ABLIM3: variants seen among roughly 807,000 people sequenced by gnomAD.
The protein encoded by ABLIM3 is actin-binding LIM protein 3.
Under a neutral mutation model 109.5 loss-of-function variants are expected in ABLIM3, and 61 were observed. The observed-to-expected ratio is 0.56, with a 90% CI of 0.45 to 0.69. ABLIM3 has a LOEUF of 0.69. Among genes scored for constraint, ABLIM3 ranks in the 30% least tolerant of loss-of-function variants. The pLI, the probability that ABLIM3 is intolerant of heterozygous loss-of-function variation, is 0.00. For missense variants in ABLIM3, 796 were observed against 889.5 expected (o/e 0.89, Z 1.34); for synonymous variants, 300 against 324.8 (o/e 0.92, Z 0.82).
chr5:149,168,808 C>G (rs1398796917), intron 2 of ABLIM3, among the ~76,000 whole-genome samples: 1 of 152,216 alleles, frequency 6.6e-6, no homozygotes, highest in Non-Finnish European at 1.5e-5. Context: ...TTCTAAAATT[C>G]TGTCAGTGCT....
intron 2 of ABLIM3, among the ~76,000 whole-genome samples, chr5:149,143,468 C>G (rs544315512): frequency 5.7e-4 from 87 of 151,752 alleles, no homozygotes; most frequent in Non-Finnish European, 9.7e-4. Context: ...CTATCAAGAC[C>G]TTATTGAAGC....
intron 10 of ABLIM3, among the ~76,000 whole-genome samples, chr5:149,234,383 G>C (rs897750776): frequency 3.3e-5 from 5 of 152,168 alleles, no homozygotes; most frequent in Admixed American, 2.6e-4. Context: ...AAAATGGTCT[G>C]TAACAAGAAA....
At chr5:149,229,430 G>A (rs1182297439) in intron 8 of ABLIM3, among the ~76,000 whole-genome samples, 1 of 152,148 alleles carries the variant, frequency 6.6e-6, no homozygotes, top group Non-Finnish European at 1.5e-5. Flanking sequence ...CTTCAGATGA[G>A]GAAACTGGGA....
At chr5:149,239,703 G>C in intron 12 of ABLIM3, 56 bp from the exon 13 acceptor site, 1 of 1,521,234 alleles carries the variant, frequency 6.6e-7, no homozygotes, top group Non-Finnish European at 8.8e-7. Flanking sequence ...CTAGACCCTC[G>C]GGCCACAGGC....
chr5:149,206,067 A>G (rs968764353), intron 5 of ABLIM3, among the ~76,000 whole-genome samples: 1 of 152,234 alleles, frequency 6.6e-6, no homozygotes, highest in Non-Finnish European at 1.5e-5. Flanking sequence ...ACTTTGCCCC[A>G]TGACCCTTTC....
intron 18 of ABLIM3, among the ~76,000 whole-genome samples, chr5:149,248,859 G>GACACACAC (rs55707887): frequency 0.022 from 3,149 of 144,592 alleles, 52 homozygotes; most frequent in Middle Eastern, 0.039. Context: ...CCTATTCCTG[G>GACACACAC]ACACACACAC....
intron 5 of ABLIM3, among the ~76,000 whole-genome samples, chr5:149,204,949 A>G (rs1758827987): frequency 6.6e-6 from 1 of 152,176 alleles, no homozygotes. Flanking sequence ...TTTCTAGAGT[A>G]TGGCCATGAA....
At chr5:149,156,384 G>A (rs751127492) in intron 2 of ABLIM3, among the ~76,000 whole-genome samples, 3 of 152,218 alleles carry the variant, frequency 2.0e-5, no homozygotes, top group Non-Finnish European at 4.4e-5. Context: ...GTGAATATAT[G>A]TGAGATGCTT....
intron 5 of ABLIM3, among the ~76,000 whole-genome samples, chr5:149,202,591 T>C (rs1758592837): frequency 6.6e-6 from 1 of 152,084 alleles, no homozygotes; most frequent in African/African-American, 2.4e-5. Context: ...AAAAAGAACA[T>C]ATCATGGAAA....
intron 8 of ABLIM3, among the ~76,000 whole-genome samples, chr5:149,225,563 A>T (rs899678810): frequency 1.6e-4 from 25 of 152,268 alleles, no homozygotes; most frequent in African/African-American, 5.8e-4. Flanking sequence ...AGATTTTTTA[A>T]AAAAATTTTT....
chr5:149,159,280 G>A (rs1222780541), intron 2 of ABLIM3, among the ~76,000 whole-genome samples: 2 of 151,984 alleles, frequency 1.3e-5, no homozygotes, highest in Non-Finnish European at 2.9e-5. Context: ...ACATAAATGA[G>A]GGCATACTGT....
intron 2 of ABLIM3, among the ~76,000 whole-genome samples, chr5:149,180,773 G>A (rs972344524): frequency 2.3e-4 from 35 of 152,204 alleles, no homozygotes; most frequent in Admixed American, 1.3e-4. Context: ...TTGAGGGGAT[G>A]CAGCAGGGTT....
intron 7 of ABLIM3, chr5:149,216,465 C>T (rs180799829): frequency 1.3e-5 from 2 of 153,530 alleles, no homozygotes; most frequent in Admixed American, 1.3e-4. Flanking sequence ...ACATAAGCAC[C>T]GAACTGGTAC....
At chr5:149,247,674 A>G in intron 17 of ABLIM3, 108 bp from the exon 18 acceptor site, 1 of 1,427,652 alleles carries the variant, frequency 7.0e-7, no homozygotes, top group East Asian at 2.3e-5. Flanking sequence ...GGCAAACATG[A>G]GAGCAGGCTG....
intron 10 of ABLIM3, 75 bp downstream of exon 10, chr5:149,233,375 G>A (rs1001252877): frequency 2.7e-6 from 4 of 1,470,984 alleles, no homozygotes; most frequent in East Asian, 2.3e-5. Context: ...CTAAGGATAA[G>A]GGAGCTCTCA....
At chr5:149,200,537 T>C in intron 5 of ABLIM3, 109 bp downstream of exon 5, 1 of 1,140,576 alleles carries the variant, frequency 8.8e-7, no homozygotes, top group Admixed American at 2.0e-5. Flanking sequence ...GTGGGAGAGG[T>C]TCCCAACCTG....
At chr5:149,229,488 G>T (rs915099888) in intron 8 of ABLIM3, among the ~76,000 whole-genome samples, 1 of 152,156 alleles carries the variant, frequency 6.6e-6, no homozygotes, top group African/African-American at 2.4e-5. Flanking sequence ...AAAAACACAG[G>T]CCTCCTCACT....
chr5:149,237,884 C>G (rs1013678026), intron 11 of ABLIM3, among the ~76,000 whole-genome samples: 1 of 152,200 alleles, frequency 6.6e-6, no homozygotes, highest in East Asian at 1.9e-4. Flanking sequence ...CCATTCCCCC[C>G]AGTCCCCCGA....
intron 3 of ABLIM3, among the ~76,000 whole-genome samples, chr5:149,186,785 GA>G (rs1320966298): frequency 6.6e-6 from 1 of 151,430 alleles, no homozygotes; most frequent in Non-Finnish European, 1.5e-5. Context: ...TTTGTATATT[GA>G]AATTTCCTGT....
Sources: gnomAD v4.1 joint callset for allele counts (sites outside exome capture counted in the v4.1 genomes callset) on GRCh38, gnomAD v4.1.1 for gene constraint, MANE v1.5 for transcripts, NCBI Gene and HGNC (gene_info 2026-07-23, HGNC 2026-07-21) for gene names.